The following BRD10 variants were observed in gnomAD, a reference collection of about 807,000 sequenced individuals.
BRD10 encodes bromodomain containing 10, also known as uncharacterized bromodomain-containing protein 10.
chr9:5,891,411 C>T, the BRD10 span: 4 of 152,148 alleles, frequency 2.6e-5, no homozygotes, highest in African/African-American at 9.7e-5. Flanking sequence ...GTGAGTTTGA[C>T]TTTCATTTCT....
the BRD10 span, among the ~76,000 whole-genome samples, chr9:5,885,600 T>G: frequency 6.6e-6 from 1 of 152,154 alleles, no homozygotes; most frequent in Non-Finnish European, 1.5e-5. Flanking sequence ...CTTGAACTCC[T>G]GACCTCAGGT....
At chr9:5,888,157 G>T in the BRD10 span, among the ~76,000 whole-genome samples, 2 of 151,910 alleles carry the variant, frequency 1.3e-5, no homozygotes, top group African/African-American at 4.8e-5. Flanking sequence ...TTCCGGTGGG[G>T]TTTTTTTTCT....
the BRD10 span, chr9:5,892,485 A>ATC: frequency 6.2e-7 from 1 of 1,613,646 alleles, no homozygotes; most frequent in South Asian, 1.1e-5. Context: ...ATGCCAAGAG[A>ATC]AGATGCTCAC....
the BRD10 span, chr9:5,920,706 G>A: frequency 1.2e-6 from 2 of 1,613,846 alleles, no homozygotes; most frequent in African/African-American, 1.3e-5. Context: ...GCTGCCGAAT[G>A]TGGAACTGTG....
At chr9:5,929,735 GT>G in the BRD10 span, among the ~76,000 whole-genome samples, 4 of 152,094 alleles carry the variant, frequency 2.6e-5, no homozygotes, top group Admixed American at 2.6e-4. Flanking sequence ...AATTTGCTAA[GT>G]TTTAACCTAG....
chr9:5,922,714 T>A, the BRD10 span: 2 of 1,613,844 alleles, frequency 1.2e-6, no homozygotes, highest in African/African-American at 2.7e-5. Context: ...TTTCTCCTGT[T>A]TTAGGATCCA....
chr9:5,898,409 A>G, the BRD10 span, among the ~76,000 whole-genome samples: 1 of 152,146 alleles, frequency 6.6e-6, no homozygotes, highest in Admixed American at 6.5e-5. Context: ...CAATAACAAC[A>G]TTAATCCATT....
At chr9:5,948,310 T>C in the BRD10 span, among the ~76,000 whole-genome samples, 2 of 152,184 alleles carry the variant, frequency 1.3e-5, no homozygotes, top group Admixed American at 1.3e-4. Flanking sequence ...CTATATTATA[T>C]TCTTTTTAAA....
At chr9:5,898,500 C>T in the BRD10 span, among the ~76,000 whole-genome samples, 6 of 152,136 alleles carry the variant, frequency 3.9e-5, no homozygotes, top group African/African-American at 1.4e-4. Context: ...ATTAAGTTTC[C>T]AATACACGAA....
chr9:5,914,409 G>GTTTTTTTTTTTTTTTTTTTTT, the BRD10 span, among the ~76,000 whole-genome samples: 3 of 106,924 alleles, frequency 2.8e-5, 1 homozygote, highest in Non-Finnish European at 3.6e-5. Flanking sequence ...AAATCCAGAT[G>GTTTTTTTTTTTTTTTTTTTTT]GTTTTTTTTT....
At chr9:5,946,634 G>A in the BRD10 span, among the ~76,000 whole-genome samples, 1 of 144,496 alleles carries the variant, frequency 6.9e-6, no homozygotes, top group Non-Finnish European at 1.5e-5. Context: ...CTTGCAGGTG[G>A]ATGGCTATAC....
At chr9:5,987,402 T>A in the BRD10 span, among the ~76,000 whole-genome samples, 7,671 of 152,174 alleles carry the variant, frequency 0.05, 332 homozygotes, top group African/African-American at 0.12. Context: ...TTTTCTTCAA[T>A]TCTCCCCATT....
At chr9:5,994,538 G>A in the BRD10 span, among the ~76,000 whole-genome samples, 2 of 151,774 alleles carry the variant, frequency 1.3e-5, no homozygotes, top group South Asian at 2.1e-4. Flanking sequence ...TTTCTTTTTC[G>A]TCTTCCTTCA....
At chr9:5,931,385 G>A in the BRD10 span, among the ~76,000 whole-genome samples, 4 of 152,142 alleles carry the variant, frequency 2.6e-5, no homozygotes, top group Non-Finnish European at 4.4e-5. Context: ...TTGTAGAAAA[G>A]TTTTTAAAAG....
chr9:5,967,772 C>T, the BRD10 span, among the ~76,000 whole-genome samples: 2 of 150,662 alleles, frequency 1.3e-5, no homozygotes, highest in Non-Finnish European at 3.0e-5. Context: ...ACATAATGTC[C>T]AAACATGTTC....
the BRD10 span, chr9:5,924,896 G>A: frequency 3.9e-6 from 5 of 1,268,406 alleles, no homozygotes; most frequent in African/African-American, 1.5e-5. Context: ...TTAAATTCTT[G>A]GAATCTAAAC....
chr9:5,971,576 G>C, the BRD10 span, among the ~76,000 whole-genome samples: 1 of 152,120 alleles, frequency 6.6e-6, no homozygotes, highest in African/African-American at 2.4e-5. Context: ...CTCTTTTATA[G>C]AACAGCCTAC....
chr9:5,888,194 G>T, the BRD10 span, among the ~76,000 whole-genome samples: 5,605 of 152,246 alleles, frequency 0.037, 152 homozygotes, highest in Non-Finnish European at 0.054. Flanking sequence ...CAATGGCTAT[G>T]GAGAGCTGGT....
At chr9:5,929,016 G>T in the BRD10 span, 1 of 1,226,088 alleles carries the variant, frequency 8.2e-7, no homozygotes, top group Non-Finnish European at 1.2e-6. Context: ...CATAAAATAA[G>T]TAAAACAGAT....
Sources: gnomAD v4.1 joint callset for allele counts (sites outside exome capture counted in the v4.1 genomes callset) on GRCh38, gnomAD v4.1.1 for gene constraint, MANE v1.5 for transcripts, NCBI Gene and HGNC (gene_info 2026-07-23, HGNC 2026-07-21) for gene names.